Variants in IL4R observed in about 807,000 individuals in gnomAD.
The protein encoded by IL4R is interleukin-4 receptor subunit alpha.
Under a neutral mutation model 41.5 loss-of-function variants are expected in IL4R, and 17 were observed. The observed-to-expected ratio is 0.41, with a 90% CI of 0.28 to 0.61. IL4R has a LOEUF of 0.61. Among genes scored for constraint, IL4R ranks in the 20% least tolerant of loss-of-function variants. The pLI, the probability that IL4R is intolerant of heterozygous loss-of-function variation, is 0.31. For missense variants in IL4R, 974 were observed against 1,043.1 expected (o/e 0.93, Z 0.91); for synonymous variants, 402 against 422.9 (o/e 0.95, Z 0.61).
rs1459820452 is a variant in IL4R, at chr16:27,363,812, A to G, written c.2460A>G (p.Thr820=). The G allele has an allele frequency of 1.1e-5, 17 of 1,604,254 alleles. No homozygotes were observed. The highest frequency in any genetic ancestry group is 1.4e-5 in the Non-Finnish European group (16 of 1,179,760). ...TGAACTTTGTCTCCGTGGGACCCAC[A>G]TACATGAGGGTCTCTTAGGTGCATG... ...KIVNFVSVGP[T]YMRVS is the part of the protein sequence containing the mutation. The change falls in exon 11 of 11, where the codon ACA becomes ACG. Residue 820 remains threonine (T), a synonymous_variant. Coordinates refer to ENST00000395762, the MANE Select transcript of IL4R (RefSeq NM_000418.4).
intron 1 of IL4R, among the ~76,000 whole-genome samples, chr16:27,321,017 C>T (rs1469350399): frequency 1.3e-5 from 2 of 151,406 alleles, no homozygotes; most frequent in Admixed American, 6.6e-5. Context: ...AATCTCAGCT[C>T]ACTGCAATCT....
At position 27,363,144 on chromosome 16, in the gene IL4R, C is replaced by G; in HGVS notation, c.1792C>G (p.Pro598Ala). The G allele has an allele frequency of 6.2e-7, 1 of 1,613,390 alleles. No individual in the cohort carries two copies. The highest frequency in any genetic ancestry group is 8.5e-7 in the Non-Finnish European group (1 of 1,179,628). ...CAGTGCGGTGGTGGGCTTGGGTCCCCCAGGAGAGGCTGGTTACAAGGCCTT... is the reference window on the plus strand; with the variant it reads ...CAGTGCGGTGGTGGGCTTGGGTCCCGCAGGAGAGGCTGGTTACAAGGCCTT... ...QASAVVGLGP[P>A]GEAGYKAFSS... Residue 598 changes from proline (P) to alanine (A), a missense_variant, in exon 11 of 11, where the codon CCA becomes GCA. Around this residue, in one of 3 missense-constraint regions of IL4R, gnomAD observed 682 missense variants for 704.3 expected, o/e 0.97. Transcript: ENST00000395762.
rs1358334645 is a variant in IL4R, at chr16:27,341,045, C to G, written c.70+772C>G. On this transcript the variant is annotated intron_variant, in intron 3 of 10. Coordinates refer to ENST00000395762, the MANE Select transcript of IL4R (RefSeq NM_000418.4). The stretch of plus-strand genomic sequence containing the variant: ...ACCTTGCAGTGTTTGAGCAGAGGAT[C>G]CATATCATCCATTATGTTCCAAAGG... 4 of 641,672 alleles carry G rather than the reference C, an allele frequency of 6.2e-6. No homozygotes were observed. In the Admixed American group the frequency reaches 8.7e-5, roughly 14 times the overall value. The allele number at this position is 641,672 out of a possible 1,614,324, so 39.7% of individuals were successfully genotyped here. A position where few individuals can be genotyped will look rare whatever the true frequency, so the allele number is the denominator to read the frequency against.
rs180850721 is a variant in IL4R at position 27,327,106 on chromosome 16, G to A, written c.-151-2960G>A. 7.1e-3 allele frequency among the ~76,000 whole-genome samples: 1,077 copies of A among 152,242 alleles called. 10 individuals carry two copies. Among genetic ancestry groups the A allele is most frequent in the African/African-American group, 0.025 (1,037 of 41,556 alleles). On this transcript the variant is annotated intron_variant, in intron 1 of 10. Transcript: ENST00000395762. Reference sequence around the variant, plus strand: ...CTGAGGTTTCAGGCCAGTTTCTGTCGTGGAGTTTCAGGGGTCAGCGGCTCC... The same window carrying A: ...CTGAGGTTTCAGGCCAGTTTCTGTCATGGAGTTTCAGGGGTCAGCGGCTCC...
chr16:27,362,963 T>C lies in IL4R; in HGVS notation c.1611T>C (p.Ser537=). Reference sequence around the variant, plus strand: ...AGATGCCCTGTGTCCCCCAGCTCTCTGAGCCAACCACTGTGCCCCAACCTG... The same window carrying C: ...AGATGCCCTGTGTCCCCCAGCTCTCCGAGCCAACCACTGTGCCCCAACCTG... ...EPEMPCVPQL[S]EPTTVPQPEP... is the part of the protein sequence containing the mutation. The change falls in exon 11 of 11, where the codon TCT becomes TCC. Residue 537 remains serine, a synonymous_variant. Coordinates refer to ENST00000395762, the MANE Select transcript of IL4R (RefSeq NM_000418.4). 1 of 1,614,152 alleles carries C rather than the reference T, an allele frequency of 6.2e-7. No homozygotes were observed. The highest frequency in any genetic ancestry group is 2.2e-5 in the East Asian group (1 of 44,892).
intron 6 of IL4R, among the ~76,000 whole-genome samples, chr16:27,350,173 C>T (rs1042423165): frequency 9.2e-5 from 14 of 152,176 alleles, no homozygotes; most frequent in African/African-American, 2.9e-4. Context: ...ACAGACAAAC[C>T]GCAAGTAGTT....
At chr16:27,340,302 T>A in intron 3 of IL4R, 29 bp downstream of exon 3, 2 of 1,574,736 alleles carry the variant, frequency 1.3e-6, no homozygotes, top group Non-Finnish European at 1.7e-6. Flanking sequence ...ATCATTCATT[T>A]GTTGGCTATT....
chr16:27,314,409 G>A (rs1596727353), intron 1 of IL4R, among the ~76,000 whole-genome samples: 1 of 152,260 alleles, frequency 6.6e-6, no homozygotes, highest in Admixed American at 6.5e-5. Flanking sequence ...GAGAGAGAAA[G>A]GGTGGGGAAA....
In IL4R at chr16:27,345,212, C is replaced by T. The variant is rs1424304104; in HGVS notation, c.361+192C>T. 4 of 724,192 alleles carry T rather than the reference C, an allele frequency of 5.5e-6. No individual in the cohort carries two copies. The highest frequency in any genetic ancestry group is 3.5e-5 in the African/African-American group (2 of 57,622). The allele number at this position is 724,192 out of a possible 1,614,324, so 44.9% of individuals were successfully genotyped here. On this transcript the variant is annotated intron_variant, in intron 5 of 10. Transcript: ENST00000395762. The surrounding 1 kb of genome is among the most constrained non-coding windows in gnomAD (Gnocchi z 4.5). ...CTCCCACCTTTGAAACGGAGCTGGT[C>T]GCAGTAGACCACCAAGCCCCCTTCA...
At chr16:27,351,151 C>T (rs2085857239) in intron 6 of IL4R, among the ~76,000 whole-genome samples, 1 of 152,132 alleles carries the variant, frequency 6.6e-6, no homozygotes, top group Non-Finnish European at 1.5e-5. Flanking sequence ...CACTTCTAAG[C>T]TCATACAATA....
intron 1 of IL4R, among the ~76,000 whole-genome samples, chr16:27,323,570 A>G (rs1394826669): frequency 6.6e-6 from 1 of 152,036 alleles, no homozygotes; most frequent in Non-Finnish European, 1.5e-5. Flanking sequence ...CGGCTTCTCC[A>G]TCTCTGCAAT....
At chr16:27,351,759 C>G (rs1048076764) in intron 6 of IL4R, among the ~76,000 whole-genome samples, 2 of 152,188 alleles carry the variant, frequency 1.3e-5, no homozygotes, top group African/African-American at 4.8e-5. Flanking sequence ...AAGTGATCCA[C>G]CCACTTCGGC....
chr16:27,345,913 A>G lies in IL4R; in HGVS notation c.362-554A>G, dbSNP rs1022424114. 6.6e-6 allele frequency among the ~76,000 whole-genome samples: 1 copy of G among 152,252 alleles called. No homozygotes were observed. The highest frequency in any genetic ancestry group is 1.5e-5 in the Non-Finnish European group (1 of 68,046). On this transcript the variant is annotated intron_variant, in intron 5 of 10. Coordinates refer to ENST00000395762, the MANE Select transcript of IL4R (RefSeq NM_000418.4). This position sits in a 1 kb window ranked among gnomAD's most constrained non-coding sequence, Gnocchi z 4.5. ...CTTGAACCCAGGAGAAGGAGGTTGC[A>G]GTGAGCTTAGATCATGCTACTGCCC...
At chr16:27,321,497 T>G (rs1036000279) in intron 1 of IL4R, among the ~76,000 whole-genome samples, 14 of 152,210 alleles carry the variant, frequency 9.2e-5, no homozygotes, top group African/African-American at 2.2e-4. Context: ...GATCTAGAGC[T>G]TATACTTCTG....
intron 4 of IL4R, among the ~76,000 whole-genome samples, chr16:27,343,670 C>T (rs1032649511): frequency 6.6e-6 from 1 of 152,122 alleles, no homozygotes; most frequent in Non-Finnish European, 1.5e-5. Context: ...TCAGGTGATC[C>T]ACCCGCCTCA....
intron 1 of IL4R, among the ~76,000 whole-genome samples, chr16:27,316,305 G>A (rs1223361922): frequency 6.6e-6 from 1 of 152,210 alleles, no homozygotes; most frequent in African/African-American, 2.4e-5. Flanking sequence ...AGGTGGTCAA[G>A]GCTGCAGTGA....
chr16:27,358,052 C>G (rs1288603536), intron 8 of IL4R, among the ~76,000 whole-genome samples: 2 of 152,130 alleles, frequency 1.3e-5, no homozygotes, highest in Non-Finnish European at 1.5e-5. Context: ...TGCCACCATG[C>G]CTGGCTAAGT....
intron 2 of IL4R, among the ~76,000 whole-genome samples, chr16:27,338,759 C>T (rs1033920705): frequency 1.3e-5 from 2 of 152,022 alleles, no homozygotes; most frequent in African/African-American, 2.4e-5. Context: ...TGGCATCGTC[C>T]GTGAGGAATG....
chr16:27,319,338 A>T (rs1669951021), intron 1 of IL4R, among the ~76,000 whole-genome samples: 1 of 152,252 alleles, frequency 6.6e-6, no homozygotes, highest in Admixed American at 6.5e-5. Flanking sequence ...ATGAAGTAAC[A>T]GAGGCACAGA....
Sources: allele counts gnomAD v4.1 joint callset (sites outside exome capture counted in the v4.1 genomes callset), GRCh38; gene constraint gnomAD v4.1.1; regional missense constraint gnomAD v4.1.1; non-coding constraint Gnocchi (gnomAD v3.1); transcripts MANE v1.5; gene names NCBI Gene and HGNC (gene_info 2026-07-23, HGNC 2026-07-21).